SLC2A13: variants seen among roughly 807,000 people sequenced by gnomAD.
SLC2A13 encodes the protein proton myo-inositol cotransporter.
SLC2A13 carries 32 observed loss-of-function variants against 64.4 expected under a neutral mutation model. The ratio of observed to expected loss-of-function variants is 0.50; its 90% CI spans 0.37 to 0.67. The LOEUF is 0.67. Ranked by LOEUF, SLC2A13 falls within the 30% of genes least tolerant of loss-of-function variation. The pLI is 0.00. For synonymous variants in SLC2A13, 338 were observed against 327.1 expected, an observed-to-expected ratio of 1.03 and a Z score of -0.36; for missense variants, 743 against 829.2, an observed-to-expected ratio of 0.90 and a Z score of 1.28.
intron 4 of SLC2A13, among the ~76,000 whole-genome samples, chr12:39,912,900 A>G (rs1443261044): frequency 6.6e-6 from 1 of 152,138 alleles, no homozygotes; most frequent in Non-Finnish European, 1.5e-5. Flanking sequence ...ACAAATGAGT[A>G]AAGAAACAGA....
chr12:39,920,024 A>G (rs1945587989), intron 4 of SLC2A13, among the ~76,000 whole-genome samples: 1 of 152,010 alleles, frequency 6.6e-6, no homozygotes. Context: ...GTCCAGCTGT[A>G]AATTATTAGC....
intron 3 of SLC2A13, among the ~76,000 whole-genome samples, chr12:40,019,280 C>T (rs1418542320): frequency 6.6e-6 from 1 of 152,174 alleles, no homozygotes; most frequent in African/African-American, 2.4e-5. Flanking sequence ...TGTTTGAATG[C>T]TTTCCTTTCA....
intron 2 of SLC2A13, among the ~76,000 whole-genome samples, chr12:40,040,412 A>G (rs1453003589): frequency 6.6e-6 from 1 of 152,168 alleles, no homozygotes; most frequent in African/African-American, 2.4e-5. Context: ...GGTTGTTTTG[A>G]AAAAGGGTCT....
intron 1 of SLC2A13, 129 bp from the exon 2 acceptor site, chr12:40,048,339 CA>C (rs1401271905): frequency 3.5e-6 from 3 of 848,092 alleles, no homozygotes; most frequent in African/African-American, 1.7e-5. Context: ...AAAGGTTTAC[CA>C]CATATTTAAG....
intron 3 of SLC2A13, among the ~76,000 whole-genome samples, chr12:39,996,563 A>G (rs1157619190): frequency 6.6e-6 from 1 of 152,212 alleles, no homozygotes; most frequent in African/African-American, 2.4e-5. Context: ...ACAGGCCTAG[A>G]AGGAAAAAGT....
Position 40,105,487 on chromosome 12 carries a change from G to A in SLC2A13, c.322C>T (p.Leu108=). ...TCCAGACTGAGCTGCCGCTTGAGCAGCAGCATGGCCCCTGACACCACCCCG... is the reference window on the plus strand; with the variant it reads ...TCCAGACTGAGCTGCCGCTTGAGCAACAGCATGGCCCCTGACACCACCCCG... ...DTGVVSGAML[L]LKRQLSLDAL... is the part of the protein sequence containing the mutation. The change falls in exon 1 of 10, where the codon CTG becomes TTG. Residue 108 remains leucine (L), a synonymous_variant. Transcript: ENST00000280871. The surrounding 1 kb of genome is among the most constrained non-coding windows in gnomAD (Gnocchi z 4.2). 6.4e-7 allele frequency: 1 copy of A among 1,574,348 alleles called. No homozygotes were observed. Among genetic ancestry groups the A allele is most frequent in the Non-Finnish European group, 8.6e-7 (1 of 1,160,930 alleles).
At chr12:39,943,920 T>A (rs187582945) in intron 4 of SLC2A13, among the ~76,000 whole-genome samples, 1 of 151,916 alleles carries the variant, frequency 6.6e-6, no homozygotes, top group Admixed American at 6.6e-5. Flanking sequence ...GCTGCAGGAG[T>A]TTTTTTTCAC....
At chr12:39,986,767 C>T (rs920845720) in intron 3 of SLC2A13, among the ~76,000 whole-genome samples, 1 of 151,744 alleles carries the variant, frequency 6.6e-6, no homozygotes, top group Non-Finnish European at 1.5e-5. Context: ...TCAAACCGAC[C>T]AATTTCAAAG....
At chr12:40,006,640 G>C (rs1186227321) in intron 3 of SLC2A13, among the ~76,000 whole-genome samples, 1 of 152,184 alleles carries the variant, frequency 6.6e-6, no homozygotes, top group Non-Finnish European at 1.5e-5. Context: ...AATAACAGTA[G>C]TAAAGATTTA....
At chr12:39,816,985 G>A (rs1942358235) in intron 7 of SLC2A13, among the ~76,000 whole-genome samples, 1 of 152,006 alleles carries the variant, frequency 6.6e-6, no homozygotes, top group South Asian at 2.1e-4. Context: ...ATCCCATTGT[G>A]GGTTGGGTCA....
intron 3 of SLC2A13, among the ~76,000 whole-genome samples, chr12:40,002,989 G>A (rs910675557): frequency 6.6e-6 from 1 of 152,158 alleles, no homozygotes; most frequent in African/African-American, 2.4e-5. Context: ...CACTGGAAAG[G>A]AGCCCTCACG....
chr12:39,987,582 CATGTAGAAGGTACCTGAGACCATG>C (rs1947052459), intron 3 of SLC2A13, among the ~76,000 whole-genome samples: 1 of 152,136 alleles, frequency 6.6e-6, no homozygotes, highest in Non-Finnish European at 1.5e-5. Context: ...TAATCAACAG[CATGTAGAAGGTACCTGAGACCATG>C]ATCTTTATAC....
intron 1 of SLC2A13, among the ~76,000 whole-genome samples, chr12:40,079,669 C>A (rs1938319199): frequency 6.6e-6 from 1 of 152,088 alleles, no homozygotes; most frequent in African/African-American, 2.4e-5. Context: ...TTCTTTCCTG[C>A]CTCGATGATC....
At chr12:39,896,323 T>C (rs1417654498) in intron 4 of SLC2A13, among the ~76,000 whole-genome samples, 2 of 85,790 alleles carry the variant, frequency 2.3e-5, no homozygotes, top group East Asian at 9.9e-4. Context: ...TATGTATGTA[T>C]ATGTGTATAT....
chr12:40,079,508 T>C (rs978906732), intron 1 of SLC2A13, among the ~76,000 whole-genome samples: 2 of 152,336 alleles, frequency 1.3e-5, no homozygotes, highest in East Asian at 1.9e-4. Flanking sequence ...TTGTTGAGAA[T>C]TGCTTTATGG....
At chr12:40,049,312 A>G (rs1948216733) in intron 1 of SLC2A13, among the ~76,000 whole-genome samples, 1 of 152,142 alleles carries the variant, frequency 6.6e-6, no homozygotes, top group Admixed American at 6.6e-5. Flanking sequence ...AATGAATAAA[A>G]CAGATCTATA....
intron 3 of SLC2A13, among the ~76,000 whole-genome samples, chr12:39,967,336 T>C (rs1946537505): frequency 6.6e-6 from 1 of 152,202 alleles, no homozygotes; most frequent in African/African-American, 2.4e-5. Flanking sequence ...TTATTTATGC[T>C]GTATTTTAGC....
At chr12:39,968,950 TC>T (rs1459183791) in intron 3 of SLC2A13, among the ~76,000 whole-genome samples, 1 of 151,788 alleles carries the variant, frequency 6.6e-6, no homozygotes, top group Non-Finnish European at 1.5e-5. Flanking sequence ...CCTCCCTCCT[TC>T]CCCCACCCCA....
At chr12:39,899,692 G>A (rs563183031) in intron 4 of SLC2A13, among the ~76,000 whole-genome samples, 15 of 151,888 alleles carry the variant, frequency 9.9e-5, no homozygotes, top group Admixed American at 4.6e-4. Flanking sequence ...CTTTGTTCTC[G>A]TTGGTTTCAA....
Sources: allele counts gnomAD v4.1 joint callset (sites outside exome capture counted in the v4.1 genomes callset), GRCh38; gene constraint gnomAD v4.1.1; non-coding constraint Gnocchi (gnomAD v3.1); transcripts MANE v1.5; gene names NCBI Gene and HGNC (gene_info 2026-07-23, HGNC 2026-07-21).